The following FGD3 variants were observed in gnomAD, a reference collection of about 807,000 sequenced individuals.
FGD3 encodes the protein FYVE, RhoGEF and PH domain containing 3, also known as FYVE, RhoGEF and PH domain-containing protein 3.
In FGD3, 45 loss-of-function variants were observed where a neutral mutation model predicts 71.8. The ratio of observed to expected loss-of-function variants is 0.63; its 90% CI spans 0.49 to 0.80. The LOEUF (loss-of-function observed/expected upper bound fraction) is 0.80, where lower values mean the gene tolerates loss of function less well. Among genes scored for constraint, FGD3 ranks in the 30% least tolerant of loss-of-function variants. FGD3 has a pLI of 0.00. For synonymous variants in FGD3, 378 were observed against 392.8 expected, an observed-to-expected ratio of 0.96 and a Z score of 0.44; for missense variants, 844 against 951.5, an observed-to-expected ratio of 0.89 and a Z score of 1.49.
At chr9:92,987,854 G>A (rs751480760) in intron 3 of FGD3, among the ~76,000 whole-genome samples, 2 of 152,214 alleles carry the variant, frequency 1.3e-5, no homozygotes, top group East Asian at 3.9e-4. Context: ...TCACCATTTC[G>A]CCCCTTAGCG....
intron 17 of FGD3, 114 bp downstream of exon 17, chr9:93,034,795 C>A: frequency 8.3e-7 from 1 of 1,208,582 alleles, no homozygotes; most frequent in South Asian, 1.5e-5. Context: ...AGCAGTGTTA[C>A]CTGGGGCCTC....
At chr9:93,011,147 G>A (rs1861345819) in intron 7 of FGD3, 67 bp from the exon 8 acceptor site, 5 of 1,511,164 alleles carry the variant, frequency 3.3e-6, no homozygotes, top group Non-Finnish European at 4.6e-6. Flanking sequence ...AGCTGCCCTG[G>A]AGCCCCTCAG....
At chr9:92,989,944 T>G (rs2118641869) in intron 3 of FGD3, among the ~76,000 whole-genome samples, 1 of 152,020 alleles carries the variant, frequency 6.6e-6, no homozygotes, top group East Asian at 1.9e-4. Context: ...TTTTACCTTT[T>G]TCATTAAATG....
At chr9:93,022,210 TCCC>T in intron 13 of FGD3, 114 bp from the exon 14 acceptor site, 2 of 987,596 alleles carry the variant, frequency 2.0e-6, no homozygotes, top group South Asian at 3.6e-5. Flanking sequence ...GAAATCCTGC[TCCC>T]GAGCCTGCCC....
intron 1 of FGD3, among the ~76,000 whole-genome samples, chr9:92,957,020 A>G (rs1859066333): frequency 6.6e-6 from 1 of 152,006 alleles, no homozygotes; most frequent in South Asian, 2.1e-4. Flanking sequence ...TTGTTATATC[A>G]GTGGCTTACT....
chr9:93,023,889 C>T (rs1243482871), intron 14 of FGD3, among the ~76,000 whole-genome samples: 1 of 150,398 alleles, frequency 6.6e-6, no homozygotes, highest in African/African-American at 2.5e-5. Flanking sequence ...GCAACCTCCA[C>T]TTCCCAGGTT....
At chr9:92,988,201 G>A (rs1428150928) in intron 3 of FGD3, among the ~76,000 whole-genome samples, 2 of 152,162 alleles carry the variant, frequency 1.3e-5, no homozygotes, top group East Asian at 3.9e-4. Flanking sequence ...TGAATACCAG[G>A]CCACCACACA....
At chr9:93,005,129 A>T (rs77118587) in intron 5 of FGD3, among the ~76,000 whole-genome samples, 44 of 146,162 alleles carry the variant, frequency 3.0e-4, no homozygotes, top group Non-Finnish European at 2.1e-4. Context: ...CCCTTTGGAC[A>T]TTTTTTTTTT....
rs1040062033 is a variant in FGD3 at position 93,035,768 on chromosome 9, C to G, written c.*179C>G. The stretch of plus-strand genomic sequence containing the variant: ...GGCCCAGAGAGGGGCAACCACTGGC[C>G]AAGGGTCACCCAGCAAGTTTTGGCT... On this transcript the variant is annotated 3_prime_UTR_variant, in exon 18 of 18. Transcript: ENST00000375482. The G allele has an allele frequency of 1.1e-6, 1 of 940,456 alleles. No homozygotes were observed. The highest frequency in any genetic ancestry group is 2.9e-5 in the East Asian group (1 of 34,724). 58.3% of individuals were successfully genotyped at this position (940,456 alleles called of 1,614,324 possible).
chr9:93,013,886 A>G lies in FGD3; in HGVS notation c.1070A>G (p.Gln357Arg). The G allele has an allele frequency of 6.2e-7, 1 of 1,612,792 alleles. No individual in the cohort carries two copies. The highest frequency in any genetic ancestry group is 8.5e-7 in the Non-Finnish European group (1 of 1,179,560). The change falls in exon 9 of 18, where the codon CAG becomes CGG. Residue 357 changes from glutamine to arginine, a missense_variant. Gln to Arg is a conservative substitution (Grantham distance 43). Coordinates refer to ENST00000375482, the MANE Select transcript of FGD3 (RefSeq NM_001083536.2). ...KMHKLLEVYE[Q>R]LGGEEDIVNP... is the part of the protein sequence containing the mutation. ...CACAAGCTCTTGGAGGTGTACGAGCAGCTGGGTGGGGAAGAAGACATTGTC... is the reference window on the plus strand; with the variant it reads ...CACAAGCTCTTGGAGGTGTACGAGCGGCTGGGTGGGGAAGAAGACATTGTC...
chr9:92,993,304 A>G (rs1292032217), intron 3 of FGD3, among the ~76,000 whole-genome samples: 1 of 152,054 alleles, frequency 6.6e-6, no homozygotes, highest in African/African-American at 2.4e-5. Context: ...TTATCTAACT[A>G]TGGCCACTCC....
chr9:92,985,818 A>G (rs1315807250), intron 3 of FGD3, among the ~76,000 whole-genome samples: 1 of 152,080 alleles, frequency 6.6e-6, no homozygotes, highest in Admixed American at 6.6e-5. Context: ...AACTTTTCCC[A>G]CTTTTTGGGA....
At chr9:93,019,125 C>G (rs1344623037) in intron 11 of FGD3, among the ~76,000 whole-genome samples, 1 of 152,220 alleles carries the variant, frequency 6.6e-6, no homozygotes, top group African/African-American at 2.4e-5. Flanking sequence ...GCTGGGATTA[C>G]AGGTGTGAGC....
intron 15 of FGD3, 143 bp from the exon 16 acceptor site, chr9:93,032,626 G>A: frequency 1.3e-6 from 1 of 788,898 alleles, no homozygotes; most frequent in Non-Finnish European, 2.1e-6. Flanking sequence ...TCAAGGAGAA[G>A]CTCTTATCCC....
At chr9:93,028,003 G>A (rs1218904064) in intron 14 of FGD3, among the ~76,000 whole-genome samples, 1 of 152,050 alleles carries the variant, frequency 6.6e-6, no homozygotes, top group Admixed American at 6.6e-5. Flanking sequence ...ACATGTGCGA[G>A]CCACTGCGCC....
intron 14 of FGD3, among the ~76,000 whole-genome samples, chr9:93,027,684 C>T (rs1862165241): frequency 6.6e-6 from 1 of 151,372 alleles, no homozygotes; most frequent in African/African-American, 2.4e-5. Flanking sequence ...TCTTCACCCC[C>T]AACCAGTTCA....
chr9:93,009,002 C>T (rs960993594), intron 6 of FGD3, among the ~76,000 whole-genome samples: 9 of 150,902 alleles, frequency 6.0e-5, no homozygotes, highest in Admixed American at 1.3e-4. Context: ...CGATGGCTCA[C>T]GCTTGTAATC....
intron 3 of FGD3, among the ~76,000 whole-genome samples, chr9:92,979,618 T>A (rs1412655694): frequency 6.6e-6 from 1 of 152,226 alleles, no homozygotes; most frequent in South Asian, 2.1e-4. Context: ...GCTGGCCTTA[T>A]TGAATGAGCT....
At chr9:93,016,234 C>T (rs993583153) in intron 10 of FGD3, among the ~76,000 whole-genome samples, 8 of 152,122 alleles carry the variant, frequency 5.3e-5, no homozygotes, top group Admixed American at 1.3e-4. Flanking sequence ...GGGCCGGCTT[C>T]CCTTGTCTGG....
Sources: allele counts gnomAD v4.1 joint callset (sites outside exome capture counted in the v4.1 genomes callset), GRCh38; gene constraint gnomAD v4.1.1; transcripts MANE v1.5; gene names NCBI Gene and HGNC (gene_info 2026-07-23, HGNC 2026-07-21).